ADGRL3: variants seen among roughly 807,000 people sequenced by gnomAD.
ADGRL3 encodes the protein adhesion G protein-coupled receptor L3.
Under a neutral mutation model 153.5 loss-of-function variants are expected in ADGRL3, and 62 were observed. The observed-to-expected ratio is 0.40, with a 90% confidence interval of 0.33 to 0.50. ADGRL3 has a LOEUF of 0.50. Among genes scored for constraint, ADGRL3 ranks in the 20% least tolerant of loss-of-function variants. The pLI is 0.47. For missense variants in ADGRL3, 1,641 were observed against 1,859.4 expected (o/e 0.88, Z 2.16); for synonymous variants, 710 against 672.5 (o/e 1.06, Z -0.86).
intron 7 of ADGRL3, among the ~76,000 whole-genome samples, chr4:61,732,395 T>A (rs1236674914): frequency 1.3e-5 from 2 of 152,206 alleles, no homozygotes; most frequent in Non-Finnish European, 2.9e-5. Context: ...AATGAACTAT[T>A]AAAAGTATTG....
intron 1 of ADGRL3, among the ~76,000 whole-genome samples, chr4:61,227,865 T>A (rs765097482): frequency 1.3e-5 from 2 of 152,240 alleles, no homozygotes; most frequent in Non-Finnish European, 2.9e-5. Flanking sequence ...ACTGCTACTA[T>A]GAAATTTTGT....
chr4:61,979,686 C>T lies in ADGRL3; in HGVS notation c.2929C>T (p.Arg977Cys), dbSNP rs763639451. ...CTTTTTCCGGGGGCTCCAGAGTGAC[C>T]GTAACACCATCCACAAGAACCTCTG... is the stretch of plus-strand genomic sequence containing the variant. ...FCFFRGLQSD[R>C]NTIHKNLCIS... Residue 977 changes from arginine to cysteine, a missense_variant, in exon 18 of 27, where the codon CGT becomes TGT. Coordinates refer to ENST00000683033, the MANE Select transcript of ADGRL3 (RefSeq NM_001387552.1). 28 of 1,613,760 alleles carry T rather than the reference C, an allele frequency of 1.7e-5. No homozygotes were observed. Among genetic ancestry groups the T allele is most frequent in the South Asian group, 2.2e-5 (2 of 91,082 alleles).
intron 8 of ADGRL3, among the ~76,000 whole-genome samples, chr4:61,764,951 C>A (rs1005177117): frequency 1.3e-5 from 2 of 151,494 alleles, no homozygotes; most frequent in Admixed American, 6.6e-5. Flanking sequence ...GGCCTGGATA[C>A]GGTTTTGGAT....
chr4:61,441,676 C>T (rs335277), intron 2 of ADGRL3, among the ~76,000 whole-genome samples: 141,670 of 152,098 alleles, frequency 0.93, 66,829 homozygotes, highest in East Asian at 1. Context: ...CATGCCGCTA[C>T]GCCTGGCTAA....
chr4:61,405,407 G>C (rs535818532), intron 2 of ADGRL3, among the ~76,000 whole-genome samples: 10 of 151,904 alleles, frequency 6.6e-5, no homozygotes, highest in Admixed American at 1.3e-4. Flanking sequence ...TGTTTATTAT[G>C]AGCTACCTAG....
chr4:61,621,777 A>G (rs1362882467), intron 5 of ADGRL3, among the ~76,000 whole-genome samples: 1 of 152,082 alleles, frequency 6.6e-6, no homozygotes, highest in Non-Finnish European at 1.5e-5. Flanking sequence ...TTAGTGTTTT[A>G]TTTCCTTTGT....
chr4:61,800,436 T>C (rs1459567301), intron 8 of ADGRL3, among the ~76,000 whole-genome samples: 2 of 152,164 alleles, frequency 1.3e-5, no homozygotes, highest in Non-Finnish European at 2.9e-5. Flanking sequence ...TAGCTAATGA[T>C]TTTCATAAGT....
chr4:61,579,429 G>A (rs550492785), intron 4 of ADGRL3, among the ~76,000 whole-genome samples: 3 of 152,134 alleles, frequency 2.0e-5, no homozygotes, highest in South Asian at 2.1e-4. Flanking sequence ...GTTATTTCTC[G>A]TGAATTGGAA....
intron 1 of ADGRL3, among the ~76,000 whole-genome samples, chr4:61,251,041 T>TA (rs1265490528): frequency 6.6e-6 from 1 of 152,178 alleles, no homozygotes; most frequent in African/African-American, 2.4e-5. Context: ...TGTTGCTGTA[T>TA]AAAAAACTTC....
intron 1 of ADGRL3, among the ~76,000 whole-genome samples, chr4:61,382,580 ATTTC>A (rs770918000): frequency 1.8e-4 from 28 of 151,726 alleles, no homozygotes; most frequent in Non-Finnish European, 3.2e-4. Context: ...ATTTCTGTTT[ATTTC>A]TTTCTATTTT....
intron 1 of ADGRL3, among the ~76,000 whole-genome samples, chr4:61,358,614 A>G (rs904392677): frequency 7.9e-5 from 12 of 150,962 alleles, no homozygotes; most frequent in South Asian, 2.1e-4. Flanking sequence ...AAAAAAAAAA[A>G]AAAGAAAGCA....
chr4:61,343,694 T>A (rs2095849248), intron 1 of ADGRL3, among the ~76,000 whole-genome samples: 1 of 152,164 alleles, frequency 6.6e-6, no homozygotes, highest in Non-Finnish European at 1.5e-5. Context: ...CACAGCATAT[T>A]TTTTCTTCTT....
At position 61,444,099 on chromosome 4, in the gene ADGRL3, C is replaced by A. The variant is rs142817182; in HGVS notation, c.-173-53022C>A. On this transcript the variant is annotated intron_variant, in intron 2 of 26. Transcript: ENST00000683033. ...AAAAGCACTTCTTGTTCCCAATATG[C>A]AAATCCATTCTATGCATTAAATATC... Among the ~76,000 whole-genome samples the A allele has an allele frequency of 1.9e-4, 29 of 152,278 alleles. 1 individual carries two copies. In the East Asian group the frequency reaches 4.6e-3, roughly 24 times the overall value.
chr4:61,578,716 G>T (rs1217587678), intron 4 of ADGRL3, among the ~76,000 whole-genome samples: 1 of 151,888 alleles, frequency 6.6e-6, no homozygotes, highest in African/African-American at 2.4e-5. Flanking sequence ...CATACATATT[G>T]TTTCATCTTT....
chr4:61,781,376 T>A (rs1392757546), intron 8 of ADGRL3, among the ~76,000 whole-genome samples: 2 of 146,762 alleles, frequency 1.4e-5, no homozygotes, highest in African/African-American at 5.3e-5. Flanking sequence ...AAAAAGAAAG[T>A]GTTGTCTCAC....
At chr4:61,806,730 T>G (rs534432000) in intron 8 of ADGRL3, among the ~76,000 whole-genome samples, 3 of 152,052 alleles carry the variant, frequency 2.0e-5, no homozygotes, top group Non-Finnish European at 4.4e-5. Context: ...TTCAAGAAAT[T>G]CACAAATTAT....
chr4:61,792,496 ATTT>A (rs200393934), intron 8 of ADGRL3, among the ~76,000 whole-genome samples: 3 of 115,754 alleles, frequency 2.6e-5, no homozygotes, highest in African/African-American at 9.8e-5. Flanking sequence ...TTATTTTATT[ATTT>A]TTTTTTTTTG....
chr4:61,573,030 T>C (rs2098845323), intron 4 of ADGRL3, among the ~76,000 whole-genome samples: 1 of 152,026 alleles, frequency 6.6e-6, no homozygotes, highest in Admixed American at 6.6e-5. Context: ...CTGAGCCAAA[T>C]CTTAGGACCT....
intron 9 of ADGRL3, among the ~76,000 whole-genome samples, chr4:61,859,798 A>G (rs1197612061): frequency 6.6e-6 from 1 of 152,170 alleles, no homozygotes; most frequent in Non-Finnish European, 1.5e-5. Context: ...TATTCTTACT[A>G]AAAAGGGAAG....
Sources: allele counts gnomAD v4.1 joint callset (sites outside exome capture counted in the v4.1 genomes callset), GRCh38; gene constraint gnomAD v4.1.1; transcripts MANE v1.5; gene names NCBI Gene and HGNC (gene_info 2026-07-23, HGNC 2026-07-21).